Variants in ZSCAN10 observed in about 807,000 individuals in gnomAD.
ZSCAN10 encodes zinc finger and SCAN domain containing 10, also known as zinc finger and SCAN domain-containing protein 10.
Under a neutral mutation model 63.7 loss-of-function variants are expected in ZSCAN10, and 52 were observed. The observed-to-expected ratio is 0.82, with a 90% CI of 0.65 to 1.03. The LOEUF (loss-of-function observed/expected upper bound fraction) is 1.03. Among genes scored for constraint, ZSCAN10 ranks in the 50% least tolerant of loss-of-function variants. ZSCAN10 has a pLI of 0.00. For missense variants in ZSCAN10, 1,223 were observed against 1,103.8 expected, an observed-to-expected ratio of 1.11 and a Z score of -1.53; for synonymous variants, 544 against 479.6, an observed-to-expected ratio of 1.13 and a Z score of -1.76.
In ZSCAN10 at chr16:3,092,581, GAGC is replaced by G. The variant is rs1567167347; in HGVS notation, c.354_356del (p.Leu119del). ...GGCTGGGCTCCCGGTGGATGCCCTC[GAGC>G]AGCAGCACCACCTCCTCCCCATCCC... is the stretch of plus-strand genomic sequence containing the variant. On this transcript the variant is annotated inframe_deletion, in exon 2 of 6. Coordinates refer to ENST00000576985, the MANE Select transcript of ZSCAN10 (RefSeq NM_032805.3). 2 of 1,577,744 alleles carry G rather than the reference GAGC, an allele frequency of 1.3e-6. No individual in the cohort carries two copies. The highest frequency in any genetic ancestry group is 1.7e-6 in the Non-Finnish European group (2 of 1,163,180).
At position 3,092,213 on chromosome 16, in the gene ZSCAN10, A is replaced by T. The variant is rs1329348642; in HGVS notation, c.500T>A (p.Leu167Ter). Reference protein sequence around the residue: ...QVPSHSPKKELPAEEPSVLGP... With the variant: ...QVPSHSPKKE ...CAGCACTGAAGGCTCTTCCGCAGGC[A>T]ATTCCTTCTTGGGGCTGTGGCTGGG... The change falls in exon 3 of 6, where the codon TTG becomes TAG. Residue 167 changes from leucine (L) to a stop codon, truncating the protein, a stop_gained. Coordinates refer to ENST00000576985, the MANE Select transcript of ZSCAN10 (RefSeq NM_032805.3). LOFTEE classifies it high-confidence loss of function. 1 of 1,612,490 alleles carries T rather than the reference A, an allele frequency of 6.2e-7. No individual in the cohort carries two copies. Among genetic ancestry groups the T allele is most frequent in the East Asian group, 2.2e-5 (1 of 44,878 alleles).
rs1957079400 is a variant in ZSCAN10 at position 3,091,744 on chromosome 16, T to C, written c.729+20A>G. 2 of 1,577,326 alleles carry C rather than the reference T, an allele frequency of 1.3e-6. No individual in the cohort carries two copies. Among genetic ancestry groups the C allele is most frequent in the African/African-American group, 2.7e-5 (2 of 73,932 alleles). On this transcript the variant is annotated intron_variant, in intron 4 of 5. Transcript: ENST00000576985. The stretch of plus-strand genomic sequence containing the variant: ...AAGTTCCTGGGGCTTGAGGACACCC[T>C]GGGGTGCGGCCCAGCTCACCAGCAC...
intron 1 of ZSCAN10, 104 bp from the exon 2 acceptor site, chr16:3,093,108 C>T (rs1957108791): frequency 6.8e-6 from 6 of 880,044 alleles, no homozygotes; most frequent in Non-Finnish European, 9.1e-6. Context: ...CCAGAGGAAT[C>T]GCTTTTCTCA....
rs746422336 is a variant in ZSCAN10, at chr16:3,090,225, C to A, written c.1209G>T (p.Pro403=). 10 of 1,604,814 alleles carry A rather than the reference C, an allele frequency of 6.2e-6. No individual in the cohort carries two copies. The East Asian group carries it at 2.2e-4, about 36-fold the overall frequency. ...GGTGGCCGCACAGGTGGCAGGCGTG[C>A]GGCCGCTCGTCCGTGTGAGTGCGCA... ...LHMRTHTDER[P]HACHLCGHRF... Residue 403 remains proline (P), a synonymous_variant, in exon 6 of 6, where the codon CCG becomes CCT. Coordinates refer to ENST00000576985, the MANE Select transcript of ZSCAN10 (RefSeq NM_032805.3).
chr16:3,097,520 G>A (rs555147022), intron 1 of ZSCAN10, among the ~76,000 whole-genome samples: 1 of 152,104 alleles, frequency 6.6e-6, no homozygotes, highest in Non-Finnish European at 1.5e-5. Context: ...GACAGGGTGG[G>A]GCCAGATAAG....
chr16:3,097,666 A>G (rs1423742170), intron 1 of ZSCAN10, among the ~76,000 whole-genome samples: 1 of 151,952 alleles, frequency 6.6e-6, no homozygotes, highest in African/African-American at 2.4e-5. Flanking sequence ...ATCTCTCCCC[A>G]CTAGGGCGAT....
intron 1 of ZSCAN10, among the ~76,000 whole-genome samples, chr16:3,098,841 C>T (rs1041969739): frequency 1.3e-5 from 2 of 152,244 alleles, no homozygotes; most frequent in Non-Finnish European, 1.5e-5. Context: ...CTCCCTTTCT[C>T]CCTGGACACA....
In ZSCAN10 at chr16:3,090,843, A is replaced by G. The variant is rs1230340671; in HGVS notation, c.788-197T>C. Among the ~76,000 whole-genome samples, 10 of 145,360 alleles carry G rather than the reference A, an allele frequency of 6.9e-5. No individual in the cohort carries two copies. In the Admixed American group the frequency reaches 7.1e-4, roughly 10 times the overall value. On this transcript the variant is annotated intron_variant, in intron 5 of 5. Transcript: ENST00000576985. Reference sequence around the variant, plus strand: ...GGCGGGCGGATCACTTGAAGTCAGGAGTGAGTTCAAGACCACCCTGGCCAA... The same window carrying G: ...GGCGGGCGGATCACTTGAAGTCAGGGGTGAGTTCAAGACCACCCTGGCCAA...
intron 1 of ZSCAN10, among the ~76,000 whole-genome samples, chr16:3,098,981 C>A (rs1957189330): frequency 2.0e-5 from 3 of 152,196 alleles, no homozygotes; most frequent in African/African-American, 7.2e-5. Flanking sequence ...GGAAGTTCTG[C>A]GATCTCCCTC....
At position 3,089,421 on chromosome 16, in the gene ZSCAN10, GA is replaced by G; in HGVS notation, c.2012del (p.Phe671SerfsTer166). 1 of 1,605,944 alleles carries G rather than the reference GA, an allele frequency of 6.2e-7. No individual in the cohort carries two copies. The highest frequency in any genetic ancestry group is 1.1e-5 in the South Asian group (1 of 90,946). On this transcript the variant is annotated frameshift_variant, in exon 6 of 6. Transcript: ENST00000576985. LOFTEE classifies it high-confidence loss of function. ...GGCGGGCCAGGTTGGAGCTATTGCG[GA>G]AACGGTGGCCGCAGGTGTCGCAGGC... ...PHACDTCGHR[F>X]RNSSNLARHR...
intron 3 of ZSCAN10, 22 bp downstream of exon 3, chr16:3,092,027 T>C (rs199609947): frequency 2.6e-6 from 4 of 1,550,150 alleles, no homozygotes; most frequent in Non-Finnish European, 3.5e-6. Flanking sequence ...GTCCTTGGCC[T>C]CCTAGGGCAC....
At chr16:3,096,930 A>G (rs1404888057) in intron 1 of ZSCAN10, among the ~76,000 whole-genome samples, 2 of 113,440 alleles carry the variant, frequency 1.8e-5, no homozygotes, top group Non-Finnish European at 3.6e-5. Flanking sequence ...CTCTGCCTCA[A>G]AAAAAAAAAA....
At chr16:3,094,976 T>C (rs1309223490) in intron 1 of ZSCAN10, among the ~76,000 whole-genome samples, 1 of 151,600 alleles carries the variant, frequency 6.6e-6, no homozygotes, top group African/African-American at 2.4e-5. Flanking sequence ...AGGAAATGGC[T>C]GAGTTCTTAG....
In ZSCAN10 at chr16:3,089,426, G is replaced by C; in HGVS notation, c.2008C>G (p.Arg670Gly). The C allele has an allele frequency of 6.2e-7, 1 of 1,601,806 alleles. No individual in the cohort carries two copies. Among genetic ancestry groups the C allele is most frequent in the Non-Finnish European group, 8.5e-7 (1 of 1,177,546 alleles). The change falls in exon 6 of 6, where the codon CGT becomes GGT. Residue 670 changes from arginine to glycine, a missense_variant. Coordinates refer to ENST00000576985, the MANE Select transcript of ZSCAN10 (RefSeq NM_032805.3). ...KPHACDTCGHRFRNSSNLARH... is the reference protein window; with the variant it reads ...KPHACDTCGHGFRNSSNLARH... ...GCCAGGTTGGAGCTATTGCGGAAAC[G>C]GTGGCCGCAGGTGTCGCAGGCGTGG...
intron 1 of ZSCAN10, among the ~76,000 whole-genome samples, chr16:3,096,026 T>A (rs1203231313): frequency 6.6e-6 from 1 of 151,970 alleles, no homozygotes. Flanking sequence ...AAATAAGTCA[T>A]CTATAGCCAC....
chr16:3,089,077 GAAGGCGGGCC>G lies in ZSCAN10; in HGVS notation c.*4_*13del. ...TAGGTGGCGCAGGGCGCGGCTGGCG[GAAGGCGGGCC>G]AAGCTAGTACAGCGTCTCGCGGGCG... On this transcript the variant is annotated 3_prime_UTR_variant, in exon 6 of 6. Coordinates refer to ENST00000576985, the MANE Select transcript of ZSCAN10 (RefSeq NM_032805.3). 1 of 1,474,104 alleles carries G rather than the reference GAAGGCGGGCC, an allele frequency of 6.8e-7. No homozygotes were observed. Among genetic ancestry groups the G allele is most frequent in the East Asian group, 2.5e-5 (1 of 39,742 alleles). The allele number at this position is 1,474,104 out of a possible 1,614,324, so 91.3% of individuals were successfully genotyped here.
chr16:3,092,895 GCTGCTCCTGCTCCAC>G lies in ZSCAN10; in HGVS notation c.28_42del (p.Val10_Gln14del). 1 of 1,440,972 alleles carries G rather than the reference GCTGCTCCTGCTCCAC, an allele frequency of 6.9e-7. No homozygotes were observed. Among genetic ancestry groups the G allele is most frequent in the South Asian group, 1.5e-5 (1 of 67,572 alleles). The allele number at this position is 1,440,972 out of a possible 1,614,324, so 89.3% of individuals were successfully genotyped here. A position where few individuals can be genotyped will look rare whatever the true frequency, so the allele number is the denominator to read the frequency against. ...TCCTCCTCCAGCTTGACTTCCCCCAGCTGCTCCTGCTCCACGGCAGCTGGGACTGATTCTCCAAGC... is the reference window on the plus strand; with the variant it reads ...TCCTCCTCCAGCTTGACTTCCCCCAGGGCAGCTGGGACTGATTCTCCAAGC... On this transcript the variant is annotated inframe_deletion, in exon 2 of 6. Coordinates refer to ENST00000576985, the MANE Select transcript of ZSCAN10 (RefSeq NM_032805.3).
chr16:3,091,531 G>A lies in ZSCAN10; in HGVS notation c.787+9C>T, dbSNP rs1207940973. ...TCAGTGGTCACTTCTCCAGGGAAGG[G>A]TTGCTTACCCAGGGGGTGTGCAGGC... is the stretch of plus-strand genomic sequence containing the variant. On this transcript the variant is annotated intron_variant, in intron 5 of 5. Transcript: ENST00000576985. 4 of 1,614,108 alleles carry A rather than the reference G, an allele frequency of 2.5e-6. No homozygotes were observed. The highest frequency in any genetic ancestry group is 3.4e-6 in the Non-Finnish European group (4 of 1,179,960).
At position 3,090,410 on chromosome 16, in the gene ZSCAN10, TG is replaced by T. The variant is rs1161716289; in HGVS notation, c.1023del (p.Asn342IlefsTer13). 6.2e-7 allele frequency: 1 copy of T among 1,613,590 alleles called. No individual in the cohort carries two copies. The highest frequency in any genetic ancestry group is 8.5e-7 in the Non-Finnish European group (1 of 1,179,954). On this transcript the variant is annotated frameshift_variant, in exon 6 of 6. Transcript: ENST00000576985. LOFTEE classifies it high-confidence loss of function. ...GCGCAGATGAACTGCAACTCCGGATTGGGCTCGGGGACGCCCTCAGCCACTT... is the reference window on the plus strand; with the variant it reads ...GCGCAGATGAACTGCAACTCCGGATTGGCTCGGGGACGCCCTCAGCCACTT... ...EVKVAEGVPE[P>X]NPELQFICAD... is the part of the protein sequence containing the mutation.
Sources: allele counts gnomAD v4.1 joint callset (sites outside exome capture counted in the v4.1 genomes callset), GRCh38; gene constraint gnomAD v4.1.1; transcripts MANE v1.5; gene names NCBI Gene and HGNC (gene_info 2026-07-23, HGNC 2026-07-21).